The following NWD1 variants were observed in gnomAD, a reference collection of about 807,000 sequenced individuals.
NWD1 encodes the protein NACHT and WD repeat domain containing 1, also known as NACHT domain- and WD repeat-containing protein 1.
A neutral mutation model predicts 135.1 loss-of-function variants in NWD1; 129 were observed. That is an observed-to-expected ratio of 0.96 (90% CI 0.83 to 1.11). The LOEUF (loss-of-function observed/expected upper bound fraction) is 1.11. Ranked by LOEUF, NWD1 falls within the 50% of genes least tolerant of loss-of-function variation. The pLI, the probability that NWD1 is intolerant of heterozygous loss-of-function variation, is 0.00. For missense variants in NWD1, 1,740 were observed against 1,851.3 expected, an observed-to-expected ratio of 0.94 and a Z score of 1.10; for synonymous variants, 773 against 786.0, an observed-to-expected ratio of 0.98 and a Z score of 0.28.
chr19:16,755,156 C>A (rs180807053), intron 6 of NWD1, among the ~76,000 whole-genome samples: 2 of 152,094 alleles, frequency 1.3e-5, no homozygotes, highest in East Asian at 1.9e-4. Flanking sequence ...ATCAATAAAT[C>A]TCTATATCTA....
Position 16,815,708 on chromosome 19 carries a change from A to C in NWD1, c.*669A>C. 5.6e-6 allele frequency: 1 copy of C among 179,744 alleles called. No homozygotes were observed. The highest frequency in any genetic ancestry group is 1.2e-5 in the Non-Finnish European group (1 of 84,634). The allele number at this position is 179,744 out of a possible 1,614,324, so 11.1% of individuals were successfully genotyped here. ...AGCTCTAATCGGCTAGACTGATCCA[A>C]TGTCCACCACTGGGACTGAGAATAG... On this transcript the variant is annotated 3_prime_UTR_variant, in exon 19 of 19. Coordinates refer to ENST00000524140, the MANE Select transcript of NWD1 (RefSeq NM_001007525.5).
intron 4 of NWD1, among the ~76,000 whole-genome samples, chr19:16,743,752 G>A (rs997622761): frequency 3.3e-5 from 5 of 151,656 alleles, no homozygotes; most frequent in African/African-American, 1.2e-4. Context: ...GCACCATGTC[G>A]GTTCACTGAA....
intron 11 of NWD1, 67 bp downstream of exon 11, chr19:16,773,390 G>T (rs1433644849): frequency 2.1e-6 from 3 of 1,400,170 alleles, no homozygotes; most frequent in Non-Finnish European, 2.9e-6. Context: ...TGAAGGCCAG[G>T]TGTTTGAGGT....
chr19:16,789,261 C>A, intron 13 of NWD1, 71 bp downstream of exon 13: 2 of 1,222,542 alleles, frequency 1.6e-6, no homozygotes, highest in Non-Finnish European at 2.4e-6. Context: ...TAGGCCATTT[C>A]TATAAGGAGG....
chr19:16,730,911 CT>C (rs11445714), intron 2 of NWD1, among the ~76,000 whole-genome samples: 4,216 of 122,804 alleles, frequency 0.034, 185 homozygotes, highest in African/African-American at 0.12. Flanking sequence ...TTCTTTCTTT[CT>C]TTTTTTTTTT....
Position 16,784,856 on chromosome 19 carries a change from G to C in NWD1, c.2732-4126G>C, listed in dbSNP as rs76086440. Among the ~76,000 whole-genome samples the C allele has an allele frequency of 8.3e-3, 1,252 of 150,310 alleles. 38 individuals carry two copies. In the East Asian group the frequency reaches 0.098, roughly 12 times the overall value. On this transcript the variant is annotated intron_variant, in intron 12 of 18. Coordinates refer to ENST00000524140, the MANE Select transcript of NWD1 (RefSeq NM_001007525.5). Reference sequence around the variant, plus strand: ...AGGCAAGAGAATCACTTGAACCCGGGGGGCGGAGGTTGCAGTGAGCCGAGA... The same window carrying C: ...AGGCAAGAGAATCACTTGAACCCGGCGGGCGGAGGTTGCAGTGAGCCGAGA...
chr19:16,789,234 A>T, intron 13 of NWD1, 44 bp downstream of exon 13: 2 of 1,502,660 alleles, frequency 1.3e-6, no homozygotes, highest in Non-Finnish European at 1.8e-6. Flanking sequence ...CTGAGACCAG[A>T]GCATTCAAAG....
At chr19:16,730,050 G>T (rs529912369) in intron 2 of NWD1, among the ~76,000 whole-genome samples, 1 of 152,060 alleles carries the variant, frequency 6.6e-6, no homozygotes, top group African/African-American at 2.4e-5. Flanking sequence ...TGGGCCGGGC[G>T]CAGTGGCTCA....
intron 18 of NWD1, 147 bp downstream of exon 18, chr19:16,808,283 C>A (rs1179609114): frequency 2.8e-6 from 2 of 715,454 alleles, no homozygotes; most frequent in African/African-American, 3.6e-5. Flanking sequence ...GGCGCAGTGG[C>A]TCACGCCTGT....
In NWD1 at chr19:16,761,956, C is replaced by A. The variant is rs777513869; in HGVS notation, c.1974-23C>A. The A allele has an allele frequency of 1.9e-6, 3 of 1,591,678 alleles. No individual in the cohort carries two copies. In the Admixed American group the frequency reaches 5.2e-5, roughly 28 times the overall value. ...AGCTTGATGGGTCACCCAGGTCTATCAGTCTGTATACCCTCTCTGTAGACA... is the reference window on the plus strand; with the variant it reads ...AGCTTGATGGGTCACCCAGGTCTATAAGTCTGTATACCCTCTCTGTAGACA... On this transcript the variant is annotated intron_variant, in intron 7 of 18. Coordinates refer to ENST00000524140, the MANE Select transcript of NWD1 (RefSeq NM_001007525.5).
At chr19:16,735,442 G>T (rs1327351959) in intron 3 of NWD1, among the ~76,000 whole-genome samples, 1 of 150,040 alleles carries the variant, frequency 6.7e-6, no homozygotes, top group Non-Finnish European at 1.5e-5. Flanking sequence ...GGAGGCGGAG[G>T]TTGTGGTGAG....
At chr19:16,803,325 C>G (rs748922046) in intron 17 of NWD1, among the ~76,000 whole-genome samples, 2 of 152,116 alleles carry the variant, frequency 1.3e-5, no homozygotes, top group Admixed American at 6.6e-5. Flanking sequence ...CATAGCAACA[C>G]CAACAGACTT....
At chr19:16,740,874 G>C (rs1968051078) in intron 4 of NWD1, among the ~76,000 whole-genome samples, 3 of 151,922 alleles carry the variant, frequency 2.0e-5, no homozygotes, top group Non-Finnish European at 4.4e-5. Context: ...TCTTGTGCAG[G>C]GGGGCCGGGT....
chr19:16,761,885 C>T (rs1441614880), intron 7 of NWD1, 94 bp from the exon 8 acceptor site: 1 of 1,032,968 alleles, frequency 9.7e-7, no homozygotes, highest in African/African-American at 1.6e-5. Flanking sequence ...TTTAGGATGG[C>T]TTGGGATTTG....
intron 1 of NWD1, among the ~76,000 whole-genome samples, 155 bp from the exon 2 acceptor site, chr19:16,724,211 T>C (rs149133207): frequency 0.011 from 1,744 of 152,344 alleles, 15 homozygotes; most frequent in Non-Finnish European, 0.018. Flanking sequence ...TCACTAATGC[T>C]GGGCATTTTA....
chr19:16,734,803 C>T (rs1209718980), intron 3 of NWD1, among the ~76,000 whole-genome samples: 1 of 151,866 alleles, frequency 6.6e-6, no homozygotes, highest in Admixed American at 6.6e-5. Context: ...TCAGGCTGGT[C>T]TCAAACTCCC....
chr19:16,779,370 A>ATT lies in NWD1; in HGVS notation c.2636_2637insTT (p.Glu879AspfsTer7), dbSNP rs761137837. On this transcript the variant is annotated frameshift_variant, in exon 12 of 19. Transcript: ENST00000524140. LOFTEE classifies it high-confidence loss of function. ...ATCACCGCCATGGCATGGGGTGTGGAGGAGAAGCTGCTGGTGATTGGCACC... is the reference window on the plus strand; with the variant it reads ...ATCACCGCCATGGCATGGGGTGTGGATTGGAGAAGCTGCTGGTGATTGGCACC... 3 of 1,613,762 alleles carry ATT rather than the reference A, an allele frequency of 1.9e-6. No homozygotes were observed. Among genetic ancestry groups the ATT allele is most frequent in the Non-Finnish European group, 2.5e-6 (3 of 1,179,980 alleles).
In NWD1 at chr19:16,807,582, G is replaced by A; in HGVS notation, c.3737-4G>A. On this transcript the variant is annotated splice_region_variant and splice_polypyrimidine_tract_variant and intron_variant, in intron 17 of 18. Transcript: ENST00000524140. ...AAGTCATTCTCATTTTTCTTCCCTG[G>A]CAGGCGAGGAACAAGATTCCCTGGA... 6.6e-7 allele frequency: 1 copy of A among 1,517,408 alleles called. No individual in the cohort carries two copies. 94.0% of individuals were successfully genotyped at this position (1,517,408 alleles called of 1,614,324 possible).
intron 1 of NWD1, among the ~76,000 whole-genome samples, chr19:16,723,906 C>T (rs1334581116): frequency 2.0e-5 from 3 of 151,922 alleles, no homozygotes; most frequent in Non-Finnish European, 2.9e-5. Flanking sequence ...ATGTTGGCCG[C>T]GCTGGTCTCC....
Sources: gnomAD v4.1 joint callset for allele counts (sites outside exome capture counted in the v4.1 genomes callset) on GRCh38, gnomAD v4.1.1 for gene constraint, MANE v1.5 for transcripts, NCBI Gene and HGNC (gene_info 2026-07-23, HGNC 2026-07-21) for gene names.